Variants in GLRA3 observed in about 807,000 individuals in gnomAD.
The protein encoded by GLRA3 is glycine receptor subunit alpha-3.
A neutral mutation model predicts 60.4 loss-of-function variants in GLRA3; 44 were observed. The ratio of observed to expected loss-of-function variants is 0.73; its 90% CI spans 0.57 to 0.94. GLRA3 has a LOEUF of 0.94. Among genes scored for constraint, GLRA3 ranks in the 40% least tolerant of loss-of-function variants. The pLI, the probability that GLRA3 is intolerant of heterozygous loss-of-function variation, is 0.00. For synonymous variants in GLRA3, 223 were observed against 192.9 expected, an observed-to-expected ratio of 1.16 and a Z score of -1.29; for missense variants, 508 against 564.6, an observed-to-expected ratio of 0.90 and a Z score of 1.02.
intron 1 of GLRA3, among the ~76,000 whole-genome samples, chr4:174,802,460 T>C (rs920307247): frequency 2.0e-5 from 3 of 152,090 alleles, no homozygotes; most frequent in South Asian, 2.1e-4. Context: ...CTACACGCTT[T>C]CTGTTGATCA....
At chr4:174,734,081 T>C (rs984992577) in intron 3 of GLRA3, among the ~76,000 whole-genome samples, 1 of 152,144 alleles carries the variant, frequency 6.6e-6, no homozygotes, top group Non-Finnish European at 1.5e-5. Flanking sequence ...ACTGGATTCA[T>C]AGCCAGATGG....
At chr4:174,659,828 C>T (rs1286481727) in intron 7 of GLRA3, among the ~76,000 whole-genome samples, 6 of 151,738 alleles carry the variant, frequency 4.0e-5, no homozygotes, top group African/African-American at 7.3e-5. Context: ...AAAAATTAGC[C>T]GGGTGTGGTG....
intron 3 of GLRA3, among the ~76,000 whole-genome samples, chr4:174,760,917 T>C (rs1210510214): frequency 1.3e-5 from 2 of 152,074 alleles, no homozygotes; most frequent in Non-Finnish European, 2.9e-5. Context: ...GCATGGAGTA[T>C]CTCAAAAAAA....
intron 4 of GLRA3, among the ~76,000 whole-genome samples, chr4:174,717,297 A>G (rs929686085): frequency 1.3e-5 from 2 of 151,034 alleles, no homozygotes; most frequent in African/African-American, 2.4e-5. Context: ...AGAGAAAGAA[A>G]GAAAAAGAAA....
chr4:174,663,779 C>A (rs1006872433), intron 7 of GLRA3, among the ~76,000 whole-genome samples: 2 of 152,144 alleles, frequency 1.3e-5, no homozygotes, highest in African/African-American at 4.8e-5. Context: ...ACACTCATGA[C>A]ACACAGCGCA....
chr4:174,684,953 G>A (rs1367448230), intron 5 of GLRA3, among the ~76,000 whole-genome samples: 1 of 152,112 alleles, frequency 6.6e-6, no homozygotes, highest in Non-Finnish European at 1.5e-5. Flanking sequence ...AGGTTGTAGT[G>A]AGCTGAGATC....
intron 2 of GLRA3, 136 bp from the exon 3 acceptor site, chr4:174,767,166 A>T: frequency 3.7e-6 from 2 of 534,720 alleles, no homozygotes; most frequent in East Asian, 3.1e-5. Flanking sequence ...AGATGCTTAA[A>T]ATTGAAGCAA....
chr4:174,804,381 C>T (rs993027665), intron 1 of GLRA3, among the ~76,000 whole-genome samples: 1 of 152,086 alleles, frequency 6.6e-6, no homozygotes, highest in Admixed American at 6.6e-5. Context: ...TAGTGCCTTA[C>T]AGATCATATT....
intron 5 of GLRA3, among the ~76,000 whole-genome samples, chr4:174,687,356 A>C (rs2110992267): frequency 6.6e-6 from 1 of 152,300 alleles, no homozygotes; most frequent in East Asian, 1.9e-4. Flanking sequence ...GTACCTTTTA[A>C]TATTCTGTGT....
chr4:174,816,812 G>C (rs1048055981), intron 1 of GLRA3, among the ~76,000 whole-genome samples: 11 of 150,790 alleles, frequency 7.3e-5, no homozygotes, highest in African/African-American at 2.2e-4. Context: ...CCAAATTCTT[G>C]GCATGCTTTA....
At chr4:174,792,271 A>T (rs1056996624) in intron 1 of GLRA3, among the ~76,000 whole-genome samples, 2 of 152,150 alleles carry the variant, frequency 1.3e-5, no homozygotes, top group African/African-American at 4.8e-5. Flanking sequence ...TCCAAGATCA[A>T]GTTGTCAGCA....
chr4:174,727,933 C>T (rs187808870), intron 4 of GLRA3, among the ~76,000 whole-genome samples: 84 of 151,918 alleles, frequency 5.5e-4, no homozygotes, highest in Middle Eastern at 3.4e-3. Context: ...TTCTTCCCTG[C>T]CTTGTTCAAA....
intron 1 of GLRA3, among the ~76,000 whole-genome samples, chr4:174,818,122 T>A (rs1440343611): frequency 6.6e-6 from 1 of 152,168 alleles, no homozygotes; most frequent in Non-Finnish European, 1.5e-5. Context: ...AGAATCAAGA[T>A]CTAATCCTGA....
At chr4:174,686,592 T>G (rs936032791) in intron 5 of GLRA3, among the ~76,000 whole-genome samples, 4 of 152,160 alleles carry the variant, frequency 2.6e-5, no homozygotes, top group African/African-American at 9.7e-5. Flanking sequence ...TCAGGCAATG[T>G]GAGATATTAT....
At chr4:174,778,810 T>A (rs12506302) in intron 2 of GLRA3, among the ~76,000 whole-genome samples, 2 of 152,066 alleles carry the variant, frequency 1.3e-5, no homozygotes, top group Non-Finnish European at 2.9e-5. Context: ...GCACCTGGCT[T>A]GGAGGGTCCT....
At chr4:174,677,961 G>T (rs186315232) in intron 6 of GLRA3, among the ~76,000 whole-genome samples, 172 of 152,182 alleles carry the variant, frequency 1.1e-3, no homozygotes, top group African/African-American at 3.1e-3. Flanking sequence ...GACTGTTTCT[G>T]GTGTTTTGAG....
chr4:174,797,786 G>C (rs1739629395), intron 1 of GLRA3, among the ~76,000 whole-genome samples: 1 of 151,922 alleles, frequency 6.6e-6, no homozygotes, highest in Non-Finnish European at 1.5e-5. Flanking sequence ...TCAAAAATTA[G>C]CTGAAGAGAT....
intron 2 of GLRA3, among the ~76,000 whole-genome samples, chr4:174,770,085 C>G (rs972977448): frequency 6.6e-6 from 1 of 152,068 alleles, no homozygotes; most frequent in African/African-American, 2.4e-5. Context: ...TATTTGATTA[C>G]TGGTTCATGA....
intron 2 of GLRA3, among the ~76,000 whole-genome samples, chr4:174,768,235 G>T (rs1407661000): frequency 6.6e-6 from 1 of 152,066 alleles, no homozygotes; most frequent in Non-Finnish European, 1.5e-5. Context: ...TGTGGAACTG[G>T]GAAGGTCGGT....
Sources: gnomAD v4.1 joint callset for allele counts (sites outside exome capture counted in the v4.1 genomes callset) on GRCh38, gnomAD v4.1.1 for gene constraint, MANE v1.5 for transcripts, NCBI Gene and HGNC (gene_info 2026-07-23, HGNC 2026-07-21) for gene names.